The following DHX9 variants were observed in gnomAD, a reference collection of about 807,000 sequenced individuals.
DHX9 encodes DExH-box helicase 9, also known as ATP-dependent RNA helicase A.
DHX9 carries 27 observed loss-of-function variants against 148.7 expected under a neutral mutation model. The observed-to-expected ratio is 0.18, with a 90% CI of 0.13 to 0.25. The LOEUF is 0.25. Ranked by LOEUF, DHX9 falls within the 10% of genes least tolerant of loss-of-function variation. The pLI is 1.00. For synonymous variants in DHX9, 529 were observed against 516.6 expected (o/e 1.02, Z -0.33); for missense variants, 796 against 1,559.6 (o/e 0.51, Z 8.25).
chr1:182,881,199 C>T (rs1649071401), intron 22 of DHX9, 65 bp from the exon 23 acceptor site: 5 of 1,531,402 alleles, frequency 3.3e-6, no homozygotes, highest in Non-Finnish European at 2.6e-6. Context: ...GTCGACAGTC[C>T]TACCTGAGCT....
chr1:182,875,616 A>G (rs984827678), intron 16 of DHX9, among the ~76,000 whole-genome samples: 1 of 152,138 alleles, frequency 6.6e-6, no homozygotes, highest in Non-Finnish European at 1.5e-5. Context: ...CTAAGATTAT[A>G]TCTTTTTAAT....
chr1:182,845,429 GA>G lies in DHX9; in HGVS notation c.252+2008del, dbSNP rs77781676. 1.1e-3 allele frequency among the ~76,000 whole-genome samples: 159 copies of G among 138,552 alleles called. 2 individuals are homozygous for G. Among genetic ancestry groups the G allele is most frequent in the East Asian group, 2.5e-3 (12 of 4,818 alleles). The allele number at this position is 138,552 out of a possible 152,430, so 90.9% of individuals were successfully genotyped here. On this transcript the variant is annotated intron_variant, in intron 3 of 27. Transcript: ENST00000367549. ...TTTTCCCTCTTTTGGTATGTAAGTG[GA>G]AAAAAAAAAAAACAATTTTCCTCTT...
chr1:182,887,209 CGGA>C lies in DHX9; in HGVS notation c.3591_3593del (p.Gly1198del). ...GCTATAGCAGTGGAGGCTATGGTAG[CGGA>C]GGCTATGGTGGCAGCGCCAACTCCT... On this transcript the variant is annotated inframe_deletion, in exon 28 of 28. Transcript: ENST00000367549. 3 of 1,607,732 alleles carry C rather than the reference CGGA, an allele frequency of 1.9e-6. No individual in the cohort carries two copies. The highest frequency in any genetic ancestry group is 2.6e-6 in the Non-Finnish European group (3 of 1,174,382).
intron 24 of DHX9, among the ~76,000 whole-genome samples, chr1:182,882,304 T>G (rs1649119133): frequency 1.3e-5 from 2 of 152,184 alleles, no homozygotes; most frequent in Non-Finnish European, 2.9e-5. Context: ...TTCATCCAAT[T>G]AGGAGGCTAT....
At chr1:182,856,246 C>T (rs868382071) in intron 6 of DHX9, among the ~76,000 whole-genome samples, 3 of 152,172 alleles carry the variant, frequency 2.0e-5, no homozygotes, top group African/African-American at 7.2e-5. Flanking sequence ...CTTGAGACTC[C>T]AGCCTTTGGA....
chr1:182,852,379 T>C (rs1236230262), intron 4 of DHX9, 35 bp downstream of exon 4: 3 of 1,423,056 alleles, frequency 2.1e-6, no homozygotes, highest in African/African-American at 1.4e-5. Flanking sequence ...TGGTGGAGAA[T>C]AAGATATACA....
chr1:182,852,147 CATGG>C (rs1668162714), intron 3 of DHX9, 82 bp from the exon 4 acceptor site: 5 of 747,488 alleles, frequency 6.7e-6, no homozygotes, highest in Non-Finnish European at 1.1e-5. Context: ...AGGTATGACA[CATGG>C]GTCCTTTTAA....
intron 11 of DHX9, among the ~76,000 whole-genome samples, chr1:182,859,612 T>G (rs1187580090): frequency 2.6e-5 from 4 of 152,092 alleles, no homozygotes; most frequent in Admixed American, 2.0e-4. Flanking sequence ...AGTTTGGTTT[T>G]TTTGTTTGTT....
chr1:182,865,572 A>G (rs1648258546), intron 12 of DHX9, among the ~76,000 whole-genome samples: 1 of 152,238 alleles, frequency 6.6e-6, no homozygotes, highest in Admixed American at 6.5e-5. Flanking sequence ...CCAAAATTCT[A>G]CACAGTATGT....
At chr1:182,872,132 A>G (rs1181879559) in intron 14 of DHX9, among the ~76,000 whole-genome samples, 3 of 152,212 alleles carry the variant, frequency 2.0e-5, no homozygotes, top group African/African-American at 4.8e-5. Flanking sequence ...AATCACAACT[A>G]TTAGGCTACA....
At chr1:182,885,612 C>G (rs1385818237) in intron 27 of DHX9, among the ~76,000 whole-genome samples, 1 of 152,110 alleles carries the variant, frequency 6.6e-6, no homozygotes, top group East Asian at 1.9e-4. Context: ...AATTCCTCAT[C>G]AAAAATGATG....
intron 14 of DHX9, 117 bp downstream of exon 14, chr1:182,867,160 C>A (rs372532601): frequency 1.6e-6 from 1 of 609,610 alleles, no homozygotes; most frequent in East Asian, 3.0e-5. Flanking sequence ...CCATGAACTT[C>A]AGTCACTAAG....
At chr1:182,879,190 G>C (rs974086552) in intron 20 of DHX9, 60 bp from the exon 21 acceptor site, 32 of 1,342,714 alleles carry the variant, frequency 2.4e-5, no homozygotes, top group African/African-American at 2.9e-5. Context: ...GCTGCAAAAA[G>C]TTTATTAACA....
At chr1:182,840,071 GTGAC>G (rs1057119241) in intron 1 of DHX9, 59 of 152,528 alleles carry the variant, frequency 3.9e-4, no homozygotes, top group African/African-American at 1.4e-3. Context: ...AGCAGGCCAT[GTGAC>G]TGGAGTGTGG....
At position 182,842,566 on chromosome 1, in the gene DHX9, C is replaced by T. The variant is rs1272717557; in HGVS notation, c.-1C>T. On this transcript the variant is annotated 5_prime_UTR_variant, in exon 2 of 28. Coordinates refer to ENST00000367549, the MANE Select transcript of DHX9 (RefSeq NM_001357.5). ...TTAGATCTGAAGAAGACACTTGAAT[C>T]ATGGGTGACGTTAAAAATTTTCTGT... 6.2e-7 allele frequency: 1 copy of T among 1,610,618 alleles called. No individual in the cohort carries two copies. Among genetic ancestry groups the T allele is most frequent in the East Asian group, 2.2e-5 (1 of 44,774 alleles).
chr1:182,853,769 TAAAAC>T (rs1244139047), intron 5 of DHX9, among the ~76,000 whole-genome samples: 5 of 152,006 alleles, frequency 3.3e-5, no homozygotes, highest in East Asian at 1.9e-4. Context: ...TATTCAGTGT[TAAAAC>T]AAGCACAAAG....
chr1:182,883,389 T>A (rs954633138), intron 25 of DHX9, 21 bp downstream of exon 25: 1 of 1,604,602 alleles, frequency 6.2e-7, no homozygotes, highest in Admixed American at 1.7e-5. Context: ...ACTAGAAAAG[T>A]TTACATTGAA....
chr1:182,844,283 A>G (rs1667985577), intron 3 of DHX9, among the ~76,000 whole-genome samples: 1 of 152,232 alleles, frequency 6.6e-6, no homozygotes, highest in African/African-American at 2.4e-5. Context: ...ATAGTATTTT[A>G]TGCAATGGAG....
chr1:182,884,951 G>A, intron 27 of DHX9, 138 bp downstream of exon 27: 1 of 754,146 alleles, frequency 1.3e-6, no homozygotes, highest in South Asian at 1.9e-5. Flanking sequence ...TAGATAGAGA[G>A]TTTGATGTTC....
Sources: allele counts gnomAD v4.1 joint callset (sites outside exome capture counted in the v4.1 genomes callset), GRCh38; gene constraint gnomAD v4.1.1; transcripts MANE v1.5; gene names NCBI Gene and HGNC (gene_info 2026-07-23, HGNC 2026-07-21).